ANKH: variants seen among roughly 807,000 people sequenced by gnomAD.
ANKH encodes ANKH inorganic pyrophosphate transport regulator.
A neutral mutation model predicts 49.0 loss-of-function variants in ANKH; 15 were observed. That is an observed-to-expected ratio of 0.31 (90% CI 0.20 to 0.47). The LOEUF (loss-of-function observed/expected upper bound fraction) is 0.47, where lower values mean the gene tolerates loss of function less well. Among genes scored for constraint, ANKH ranks in the 20% least tolerant of loss-of-function variants. ANKH has a pLI of 1.00. For missense variants in ANKH, 429 were observed against 652.0 expected (o/e 0.66, Z 3.72); for synonymous variants, 273 against 260.0 (o/e 1.05, Z -0.48).
intron 1 of ANKH, among the ~76,000 whole-genome samples, chr5:14,835,373 C>T (rs1049894964): frequency 6.6e-6 from 1 of 152,130 alleles, no homozygotes; most frequent in Admixed American, 6.5e-5. Context: ...ACCCGCAGTC[C>T]GTGCCCACAG....
At chr5:14,815,427 C>T (rs527865796) in intron 1 of ANKH, among the ~76,000 whole-genome samples, 1 of 152,284 alleles carries the variant, frequency 6.6e-6, no homozygotes, top group Admixed American at 6.5e-5. Context: ...ACTGCCACTG[C>T]CTTGAAATTG....
chr5:14,768,588 CTAATAAGCAT>C, intron 2 of ANKH: 5 of 284,864 alleles, frequency 1.8e-5, no homozygotes, highest in Non-Finnish European at 3.4e-5. Context: ...GTTCTCACTG[CTAATAAGCAT>C]TAATTCTAAA....
At chr5:14,789,033 A>G (rs546491907) in intron 1 of ANKH, among the ~76,000 whole-genome samples, 49 of 152,304 alleles carry the variant, frequency 3.2e-4, no homozygotes, top group Non-Finnish European at 6.6e-4. Context: ...GTTTGAGACC[A>G]GCCTGGCTAA....
At chr5:14,767,479 C>T (rs1363540491) in intron 2 of ANKH, among the ~76,000 whole-genome samples, 1 of 152,004 alleles carries the variant, frequency 6.6e-6, no homozygotes, top group Non-Finnish European at 1.5e-5. Flanking sequence ...TACAGAAAAC[C>T]ATTTTGGTTT....
chr5:14,705,407 A>G lies in ANKH; in HGVS notation c.*5790T>C, dbSNP rs769747533. On this transcript the variant is annotated 3_prime_UTR_variant, in exon 12 of 12. Transcript: ENST00000284268. ...AATCCTAGATCATAAACAGAATGTTAGATCAGGAAGGGGCCTTAGCAATAA... is the reference window on the plus strand; with the variant it reads ...AATCCTAGATCATAAACAGAATGTTGGATCAGGAAGGGGCCTTAGCAATAA... The G allele has an allele frequency of 1.3e-5, 2 of 152,234 alleles. No homozygotes were observed. The highest frequency in any genetic ancestry group is 2.9e-5 in the Non-Finnish European group (2 of 68,030). The allele number at this position is 152,234 out of a possible 1,614,324, so 9.4% of individuals were successfully genotyped here. A position where few individuals can be genotyped will look rare whatever the true frequency, so the allele number is the denominator to read the frequency against.
rs1206663990 is a variant in ANKH at position 14,848,537 on chromosome 5, C to G, written c.96+22815G>C. 7.9e-5 allele frequency among the ~76,000 whole-genome samples: 12 copies of G among 152,296 alleles called. No homozygotes were observed. The East Asian group carries it at 2.3e-3, about 29-fold the overall frequency. On this transcript the variant is annotated intron_variant, in intron 1 of 11. Transcript: ENST00000284268. ...CTTTTGCTCGCCGTCCGGCACTGAT[C>G]ACCGCCATCGCAGACCCGCCGCTGA...
intron 1 of ANKH, among the ~76,000 whole-genome samples, chr5:14,863,455 A>G (rs951117047): frequency 3.0e-4 from 46 of 152,214 alleles, no homozygotes; most frequent in African/African-American, 1.1e-3. Context: ...ATAAATGTGC[A>G]GTATAGGCTA....
chr5:14,797,743 T>C, intron 1 of ANKH: 1 of 1,610,498 alleles, frequency 6.2e-7, no homozygotes, highest in Non-Finnish European at 8.5e-7. Context: ...AAGATGGTCT[T>C]CGCATCTACC....
At chr5:14,855,584 T>A (rs1416152855) in intron 1 of ANKH, among the ~76,000 whole-genome samples, 2 of 152,156 alleles carry the variant, frequency 1.3e-5, no homozygotes, top group Admixed American at 1.3e-4. Context: ...GGTGTGTTAT[T>A]ATCATAACTG....
At position 14,709,951 on chromosome 5, in the gene ANKH, T is replaced by G. The variant is rs1215983060; in HGVS notation, c.*1246A>C. 3 of 152,284 alleles carry G rather than the reference T, an allele frequency of 2.0e-5. No homozygotes were observed. Among genetic ancestry groups the G allele is most frequent in the African/African-American group, 7.2e-5 (3 of 41,474 alleles). 9.4% of individuals were successfully genotyped at this position (152,284 alleles called of 1,614,324 possible). On this transcript the variant is annotated 3_prime_UTR_variant, in exon 12 of 12. Transcript: ENST00000284268. ...TTTTAGGTTCTTTCAGTCTAGGAAT[T>G]CTGACTAAATCAATTTAGTGAACCG... is the stretch of plus-strand genomic sequence containing the variant.
intron 1 of ANKH, among the ~76,000 whole-genome samples, chr5:14,784,135 C>T (rs6865826): frequency 0.011 from 1,699 of 152,298 alleles, 31 homozygotes; most frequent in African/African-American, 0.039. Context: ...CTTACATAGG[C>T]GGTACTGCAC....
In ANKH at chr5:14,713,780, C is replaced by G; in HGVS notation, c.1142-113G>C. ...GCCAGGGGCTGCCTAGGACCCTGGC[C>G]TTGCTGTTGAGCCGCTGGCCACCTC... On this transcript the variant is annotated intron_variant, in intron 9 of 11. Coordinates refer to ENST00000284268, the MANE Select transcript of ANKH (RefSeq NM_054027.6). The surrounding 1 kb of genome is among the most constrained non-coding windows in gnomAD (Gnocchi z 4.4). 1.3e-6 allele frequency: 2 copies of G among 1,498,774 alleles called. No homozygotes were observed. The highest frequency in any genetic ancestry group is 1.8e-6 in the Non-Finnish European group (2 of 1,084,962). 92.8% of individuals were successfully genotyped at this position (1,498,774 alleles called of 1,614,324 possible). A position where few individuals can be genotyped will look rare whatever the true frequency, so the allele number is the denominator to read the frequency against.
Position 14,745,372 on chromosome 5 carries a change from G to A in ANKH, c.915+498C>T, listed in dbSNP as rs77566494. Among the ~76,000 whole-genome samples the A allele has an allele frequency of 0.03, 4,625 of 152,238 alleles. 265 individuals are homozygous for A. Among genetic ancestry groups the A allele is most frequent in the African/African-American group, 0.11 (4,398 of 41,514 alleles). ...GGGGAGACAGAGCAGCTGTCAACAG[G>A]CTTTCCACTGGAATACGTCTGCAAT... On this transcript the variant is annotated intron_variant, in intron 7 of 11. Coordinates refer to ENST00000284268, the MANE Select transcript of ANKH (RefSeq NM_054027.6). The surrounding 1 kb of genome is among the most constrained non-coding windows in gnomAD (Gnocchi z 4.7).
intron 1 of ANKH, among the ~76,000 whole-genome samples, chr5:14,825,213 CAA>C (rs1415926155): frequency 6.6e-6 from 1 of 152,210 alleles, no homozygotes. Context: ...GTGGCTTGGC[CAA>C]AAGTCTTTAA....
intron 8 of ANKH, among the ~76,000 whole-genome samples, chr5:14,733,627 G>A (rs912774488): frequency 5.3e-5 from 8 of 152,204 alleles, no homozygotes; most frequent in Admixed American, 1.3e-4. Context: ...TTCACACACT[G>A]CTTCATGTAA....
At chr5:14,845,152 T>C (rs1044263891) in intron 1 of ANKH, among the ~76,000 whole-genome samples, 4 of 152,180 alleles carry the variant, frequency 2.6e-5, no homozygotes, top group African/African-American at 9.6e-5. Flanking sequence ...ATAATGCCTC[T>C]ATTTTGTTAT....
At chr5:14,769,836 C>T (rs1739379657) in intron 1 of ANKH, among the ~76,000 whole-genome samples, 1 of 152,258 alleles carries the variant, frequency 6.6e-6, no homozygotes, top group East Asian at 1.9e-4. Context: ...ATGAAAAGAA[C>T]ACCTTTAGAC....
Position 14,769,046 on chromosome 5 carries a change from C to G in ANKH, c.242G>C (p.Arg81Thr). 6.2e-7 allele frequency: 1 copy of G among 1,614,230 alleles called. No homozygotes were observed. The highest frequency in any genetic ancestry group is 8.5e-7 in the Non-Finnish European group (1 of 1,180,044). ...NVGLVFVNSK[R>T]DRTKAVLCMV... ...ACACAGGACGGCTTTGGTCCTGTCT[C>G]TCTTGCTGTTCACAAACACCAGGCC... Residue 81 changes from arginine to threonine, a missense_variant, in exon 2 of 12, where the codon AGA becomes ACA. Around this residue, in one of 2 missense-constraint regions of ANKH, gnomAD observed 378 missense variants for 615.3 expected, o/e 0.61. Transcript: ENST00000284268.
At chr5:14,827,862 AC>A (rs1741388624) in intron 1 of ANKH, among the ~76,000 whole-genome samples, 1 of 152,160 alleles carries the variant, frequency 6.6e-6, no homozygotes, top group Admixed American at 6.5e-5. Context: ...GCCTTCAGGG[AC>A]AATGCCATAA....
Sources: allele counts gnomAD v4.1 joint callset (sites outside exome capture counted in the v4.1 genomes callset), GRCh38; gene constraint gnomAD v4.1.1; regional missense constraint gnomAD v4.1.1; non-coding constraint Gnocchi (gnomAD v3.1); transcripts MANE v1.5; gene names NCBI Gene and HGNC (gene_info 2026-07-23, HGNC 2026-07-21).